Variants in ENDOD1 observed in about 807,000 individuals in gnomAD.
ENDOD1 encodes the protein endonuclease domain-containing 1 protein.
ENDOD1 carries 9 observed loss-of-function variants against 6.5 expected under a neutral mutation model. That is an observed-to-expected ratio of 1.39 (90% CI 0.84 to 2.43). ENDOD1 has a LOEUF of 2.43. ENDOD1 is among the 30% of genes most tolerant of loss of function. The pLI is 0.00. For missense variants in ENDOD1, 648 were observed against 635.5 expected (o/e 1.02, Z -0.21); for synonymous variants, 255 against 255.2 (o/e 1.00, Z 0.01).
chr11:95,090,673 C>T, intron 1 of ENDOD1, among the ~76,000 whole-genome samples: 1 of 152,194 alleles, frequency 6.6e-6, no homozygotes, highest in Non-Finnish European at 1.5e-5. Context: ...TGGGCATTTT[C>T]ATCCCCATTT....
chr11:95,099,665 C>G (rs1859019622), intron 1 of ENDOD1, among the ~76,000 whole-genome samples: 1 of 152,242 alleles, frequency 6.6e-6, no homozygotes, highest in African/African-American at 2.4e-5. Context: ...GAACGTATAC[C>G]TCCTTGAACG....
At position 95,123,624 on chromosome 11, in the gene ENDOD1, A is replaced by AT. The variant is rs1441379393; in HGVS notation, c.301-4749dup. 4.0e-5 allele frequency among the ~76,000 whole-genome samples: 6 copies of AT among 151,884 alleles called. No individual in the cohort carries two copies. The East Asian group carries it at 1.2e-3, about 29-fold the overall frequency. ...AAAAAAATTTAAGCAAAGCAGATACATTTTGGGATGATAAATCTATAATGA... is the reference window on the plus strand; with the variant it reads ...AAAAAAATTTAAGCAAAGCAGATACATTTTTGGGATGATAAATCTATAATGA... On this transcript the variant is annotated intron_variant, in intron 1 of 1. Coordinates refer to ENST00000278505, the MANE Select transcript of ENDOD1 (RefSeq NM_015036.3).
intron 1 of ENDOD1, among the ~76,000 whole-genome samples, chr11:95,122,589 T>TACACACACACACACACACACAC (rs55940348): frequency 6.3e-5 from 9 of 142,812 alleles, no homozygotes; most frequent in African/African-American, 2.4e-4. Flanking sequence ...GCATTTAAGT[T>TACACACACACACACACACACAC]ACACACACAC....
intron 1 of ENDOD1, among the ~76,000 whole-genome samples, chr11:95,125,766 C>A (rs1381636733): frequency 6.6e-6 from 1 of 152,126 alleles, no homozygotes; most frequent in Non-Finnish European, 1.5e-5. Context: ...CTACAAAGGA[C>A]ATGAACTCAT....
At chr11:95,126,844 C>A (rs1859316830) in intron 1 of ENDOD1, among the ~76,000 whole-genome samples, 1 of 149,554 alleles carries the variant, frequency 6.7e-6, no homozygotes, top group African/African-American at 2.4e-5. Context: ...CCATGCCCAG[C>A]TAATTTTTTG....
chr11:95,125,512 A>T (rs1859302785), intron 1 of ENDOD1, among the ~76,000 whole-genome samples: 1 of 152,082 alleles, frequency 6.6e-6, no homozygotes, highest in African/African-American at 2.4e-5. Flanking sequence ...TTACATATGT[A>T]TACATGTGCC....
intron 1 of ENDOD1, among the ~76,000 whole-genome samples, chr11:95,097,126 G>A (rs1266682620): frequency 3.5e-5 from 5 of 143,192 alleles, no homozygotes; most frequent in African/African-American, 7.9e-5. Flanking sequence ...CTGCACTCCA[G>A]TCTGGGGGAC....
At chr11:95,113,709 C>T (rs575761009) in intron 1 of ENDOD1, among the ~76,000 whole-genome samples, 31 of 152,256 alleles carry the variant, frequency 2.0e-4, no homozygotes, top group Admixed American at 7.2e-4. Context: ...GCAACAAACA[C>T]GGAAGTGCAG....
At chr11:95,116,512 T>A (rs1220534482) in intron 1 of ENDOD1, among the ~76,000 whole-genome samples, 1 of 152,190 alleles carries the variant, frequency 6.6e-6, no homozygotes, top group Non-Finnish European at 1.5e-5. Context: ...TGATCTTTAT[T>A]TTTTCTTCTA....
At chr11:95,107,234 T>C (rs1371293420) in intron 1 of ENDOD1, among the ~76,000 whole-genome samples, 1 of 151,010 alleles carries the variant, frequency 6.6e-6, no homozygotes, top group Admixed American at 6.6e-5. Flanking sequence ...CTCGGGAGGC[T>C]GAGGCAGGAG....
At chr11:95,103,409 A>G (rs868982775) in intron 1 of ENDOD1, among the ~76,000 whole-genome samples, 6 of 152,212 alleles carry the variant, frequency 3.9e-5, no homozygotes. Context: ...TCCAGCTGCT[A>G]CTGATTTCAT....
At chr11:95,110,492 A>C (rs571041253) in intron 1 of ENDOD1, among the ~76,000 whole-genome samples, 1 of 152,198 alleles carries the variant, frequency 6.6e-6, no homozygotes, top group Non-Finnish European at 1.5e-5. Context: ...AAAAAATACC[A>C]GAGGCAAATG....
At chr11:95,113,572 C>G (rs117991751) in intron 1 of ENDOD1, among the ~76,000 whole-genome samples, 4,613 of 152,284 alleles carry the variant, frequency 0.03, 106 homozygotes, top group Non-Finnish European at 0.044. Context: ...TTGCAAATGA[C>G]AGGAATTCAT....
chr11:95,115,830 G>C (rs1465098062), intron 1 of ENDOD1, among the ~76,000 whole-genome samples: 1 of 152,074 alleles, frequency 6.6e-6, no homozygotes, highest in African/African-American at 2.4e-5. Context: ...TGCATCCCGG[G>C]AATAAATCCC....
chr11:95,117,788 C>T (rs1859225346), intron 1 of ENDOD1, among the ~76,000 whole-genome samples: 1 of 151,920 alleles, frequency 6.6e-6, no homozygotes, highest in Admixed American at 6.6e-5. Flanking sequence ...AGGACTTACC[C>T]CTGCCATTTT....
chr11:95,095,926 A>G (rs917382555), intron 1 of ENDOD1, among the ~76,000 whole-genome samples: 1 of 152,170 alleles, frequency 6.6e-6, no homozygotes, highest in Non-Finnish European at 1.5e-5. Context: ...GGCTGACTAG[A>G]CTTGTTATTT....
chr11:95,097,152 T>C (rs3016306), intron 1 of ENDOD1, among the ~76,000 whole-genome samples: 125,437 of 138,534 alleles, frequency 0.91, 56,369 homozygotes, highest in East Asian at 0.99. Context: ...AAGACCCTGT[T>C]TCAAAAAAAA....
chr11:95,112,600 C>G (rs1555112045), intron 1 of ENDOD1, among the ~76,000 whole-genome samples: 1 of 152,198 alleles, frequency 6.6e-6, no homozygotes, highest in Non-Finnish European at 1.5e-5. Flanking sequence ...CTGCCTGTTT[C>G]TGCCTTAAAG....
chr11:95,132,612 C>T lies in ENDOD1; in HGVS notation c.*3033C>T, dbSNP rs1414377999. ...TTCAAGCTATGTACAATGATGTGCA[C>T]CTTGCAGATGCTCAATAAAGTAATT... On this transcript the variant is annotated 3_prime_UTR_variant, in exon 2 of 2. Transcript: ENST00000278505. 6.6e-6 allele frequency: 1 copy of T among 152,148 alleles called. No homozygotes were observed. The highest frequency in any genetic ancestry group is 1.9e-4 in the East Asian group (1 of 5,184). 9.4% of individuals were successfully genotyped at this position (152,148 alleles called of 1,614,324 possible).
Sources: gnomAD v4.1 joint callset for allele counts (sites outside exome capture counted in the v4.1 genomes callset) on GRCh38, gnomAD v4.1.1 for gene constraint, MANE v1.5 for transcripts, NCBI Gene and HGNC (gene_info 2026-07-23, HGNC 2026-07-21) for gene names.